FSIP2: variants seen among roughly 807,000 people sequenced by gnomAD.
The protein encoded by FSIP2 is fibrous sheath interacting protein 2, also known as fibrous sheath-interacting protein 2.
In FSIP2, 367 loss-of-function variants were observed where a neutral mutation model predicts 510.5. The ratio of observed to expected loss-of-function variants is 0.72; its 90% CI spans 0.66 to 0.78. The LOEUF (loss-of-function observed/expected upper bound fraction) is 0.78. Ranked by LOEUF, FSIP2 falls within the 30% of genes least tolerant of loss-of-function variation. FSIP2 has a pLI of 0.00. For synonymous variants in FSIP2, 2,601 were observed against 2,732.2 expected (o/e 0.95, Z 1.50); for missense variants, 7,594 against 7,901.7 (o/e 0.96, Z 1.48).
chr2:185,737,631 G>T (rs1691810835), upstream of FSIP2, among the ~76,000 whole-genome samples: 1 of 152,144 alleles, frequency 6.6e-6, no homozygotes, highest in African/African-American at 2.4e-5. Context: ...TTCTGGCTTG[G>T]GTAGACTTTG....
At position 185,808,841 on chromosome 2, in the gene FSIP2, T is replaced by A; in HGVS notation, c.19535T>A (p.Leu6512Ter). The A allele has an allele frequency of 6.8e-6, 11 of 1,612,558 alleles. No individual in the cohort carries two copies. Among genetic ancestry groups the A allele is most frequent in the Non-Finnish European group, 9.3e-6 (11 of 1,179,328 alleles). ...ELEQEKLDQNLSEEESPIKIV... is the reference protein window; with the variant it reads ...ELEQEKLDQN ...GAGCAAGAAAAGTTAGATCAAAATT[T>A]ATCTGAAGAGGAATCTCCAATTAAA... The change falls in exon 17 of 23, where the codon TTA (leucine) becomes TAA (stop). Residue 6512 changes from leucine to a stop codon, truncating the protein, a stop_gained. Coordinates refer to ENST00000424728, the MANE Select transcript of FSIP2 (RefSeq NM_173651.4). LOFTEE classifies it high-confidence loss of function.
Position 185,792,572 on chromosome 2 carries a change from C to T in FSIP2, c.5436C>T (p.His1812=). ...ACTCTAATTTTAATGGCATGCCTCACAATGTTGATGAGCCAACTCCCCAAA... is the reference window on the plus strand; with the variant it reads ...ACTCTAATTTTAATGGCATGCCTCATAATGTTGATGAGCCAACTCCCCAAA... The part of the protein sequence containing the change: ...LSHSNFNGMP[H]NVDEPTPQTS... The change falls in exon 16 of 23, where the codon CAC becomes CAT. Residue 1812 remains histidine (H), a synonymous_variant. Coordinates refer to ENST00000424728, the MANE Select transcript of FSIP2 (RefSeq NM_173651.4). 6.5e-7 allele frequency: 1 copy of T among 1,533,638 alleles called. No individual in the cohort carries two copies. Among genetic ancestry groups the T allele is most frequent in the Non-Finnish European group, 8.7e-7 (1 of 1,145,178 alleles).
chr2:185,794,786 G>A lies in FSIP2; in HGVS notation c.7650G>A (p.Met2550Ile). Residue 2550 changes from methionine (M) to isoleucine (I), a missense_variant, in exon 16 of 23, where the codon ATG becomes ATA. Coordinates refer to ENST00000424728, the MANE Select transcript of FSIP2 (RefSeq NM_173651.4). The part of the protein sequence containing the change: ...NDIVESVLGK[M>I]YLVVVTSLYE... Reference sequence around the variant, plus strand: ...TAGTTGAAAGTGTTTTGGGGAAAATGTACTTGGTAGTTGTGACATCATTAT... The same window carrying A: ...TAGTTGAAAGTGTTTTGGGGAAAATATACTTGGTAGTTGTGACATCATTAT... 6.5e-7 allele frequency: 1 copy of A among 1,534,038 alleles called. No individual in the cohort carries two copies. Among genetic ancestry groups the A allele is most frequent in the Non-Finnish European group, 8.7e-7 (1 of 1,145,516 alleles).
Position 185,791,276 on chromosome 2 carries a change from T to TC in FSIP2, c.4141dup (p.Arg1381ProfsTer2). On this transcript the variant is annotated frameshift_variant, in exon 16 of 23. Transcript: ENST00000424728. LOFTEE classifies it high-confidence loss of function. Reference sequence around the variant, plus strand: ...ATCAAAGAAGCATTTCACTCTCTTCTCGTAAGCCAAAGTCTGCAACTGACA... The same window carrying TC: ...ATCAAAGAAGCATTTCACTCTCTTCTCCGTAAGCCAAAGTCTGCAACTGACA... 2.6e-6 allele frequency: 4 copies of TC among 1,534,128 alleles called. No homozygotes were observed. Among genetic ancestry groups the TC allele is most frequent in the Admixed American group, 2.0e-5 (1 of 50,830 alleles).
intron 20 of FSIP2, among the ~76,000 whole-genome samples, chr2:185,826,980 A>G (rs931081823): frequency 7.9e-5 from 12 of 151,848 alleles, no homozygotes; most frequent in African/African-American, 2.9e-4. Context: ...CACCATAAAT[A>G]TCAGGAATTT....
chr2:185,806,545 AAAG>A lies in FSIP2; in HGVS notation c.17244_17246del (p.Glu5751del). On this transcript the variant is annotated inframe_deletion, in exon 17 of 23. Transcript: ENST00000424728. ...TAACAAAAATATCTCTGCCAAAGAA[AAAG>A]AAGAGGAAGAGAGAGAAAAAGAGAA... The A allele has an allele frequency of 6.2e-7, 1 of 1,600,498 alleles. No individual in the cohort carries two copies. Among genetic ancestry groups the A allele is most frequent in the South Asian group, 1.1e-5 (1 of 88,186 alleles).
chr2:185,793,709 T>C lies in FSIP2; in HGVS notation c.6573T>C (p.Asp2191=), dbSNP rs1237830381. 1 of 1,534,762 alleles carries C rather than the reference T, an allele frequency of 6.5e-7. No homozygotes were observed. The highest frequency in any genetic ancestry group is 2.0e-5 in the Admixed American group (1 of 50,860). ...TSARLPLTFC[D]TFPKIDCQQP... is the part of the protein sequence containing the mutation. ...CAAGATTGCCCCTGACATTTTGTGA[T>C]ACGTTTCCAAAAATAGACTGTCAAC... The change falls in exon 16 of 23, where the codon GAT becomes GAC. Residue 2191 remains aspartate, a synonymous_variant. Transcript: ENST00000424728.
chr2:185,790,035 G>T lies in FSIP2; in HGVS notation c.2899G>T (p.Asp967Tyr), dbSNP rs1409386299. 3.9e-6 allele frequency: 6 copies of T among 1,533,588 alleles called. No individual in the cohort carries two copies. The highest frequency in any genetic ancestry group is 1.7e-4 in the Middle Eastern group (1 of 5,964). The allele number at this position is 1,533,588 out of a possible 1,614,324, so 95.0% of individuals were successfully genotyped here. The part of the protein sequence containing the change: ...SRQPRISSPS[D>Y]TKEKYRLTGT... ...GCAACCTAGAATAAGTAGTCCTTCT[G>T]ACACCAAAGAAAAGTACAGACTCAC... is the stretch of plus-strand genomic sequence containing the variant. Residue 967 changes from aspartate to tyrosine, a missense_variant, in exon 16 of 23, where the codon GAC (aspartate) becomes TAC (tyrosine). By Grantham distance (160) the Asp-to-Tyr change is radical (BLOSUM62 -3). Transcript: ENST00000424728.
In FSIP2 at chr2:185,807,230, G is replaced by C; in HGVS notation, c.17924G>C (p.Cys5975Ser). The C allele has an allele frequency of 6.2e-7, 1 of 1,606,446 alleles. No homozygotes were observed. Among genetic ancestry groups the C allele is most frequent in the Non-Finnish European group, 8.5e-7 (1 of 1,177,684 alleles). Residue 5975 changes from cysteine to serine, a missense_variant, in exon 17 of 23, where the codon TGT (cysteine) becomes TCT (serine). Coordinates refer to ENST00000424728, the MANE Select transcript of FSIP2 (RefSeq NM_173651.4). Reference protein sequence around the residue: ...IFCDEVSVSACLPLESKDVVK... With the variant: ...IFCDEVSVSASLPLESKDVVK... ...TGTGATGAGGTTTCAGTTTCAGCAT[G>C]TTTGCCTCTGGAATCTAAGGATGTT... is the stretch of plus-strand genomic sequence containing the variant.
rs758970492 is a variant in FSIP2 at position 185,803,552 on chromosome 2, C to T, written c.14246C>T (p.Ala4749Val). The part of the protein sequence containing the change: ...FDFQIHPDLI[A>V]NLPFKSHSKL... ...TTCCAAATTCATCCAGATCTTATAG[C>T]AAATCTGCCTTTTAAATCACATTCC... The change falls in exon 17 of 23, where the codon GCA becomes GTA. Residue 4749 changes from alanine to valine, a missense_variant. Ala to Val is a moderately conservative substitution (Grantham distance 64). Coordinates refer to ENST00000424728, the MANE Select transcript of FSIP2 (RefSeq NM_173651.4). The T allele has an allele frequency of 6.5e-7, 1 of 1,532,884 alleles. No homozygotes were observed. Among genetic ancestry groups the T allele is most frequent in the African/African-American group, 1.4e-5 (1 of 72,948 alleles). 95.0% of individuals were successfully genotyped at this position (1,532,884 alleles called of 1,614,324 possible).
chr2:185,770,259 T>C (rs1013301504), intron 13 of FSIP2, among the ~76,000 whole-genome samples: 6 of 152,170 alleles, frequency 3.9e-5, no homozygotes, highest in African/African-American at 1.4e-4. Context: ...GAGCAGTGTT[T>C]TGTAATTCTC....
intron 10 of FSIP2, 74 bp downstream of exon 10, chr2:185,761,177 T>C (rs893497389): frequency 6.9e-6 from 4 of 579,318 alleles, no homozygotes; most frequent in Non-Finnish European, 1.2e-5. Flanking sequence ...CTATGAACTC[T>C]CTCCTTCAGC....
chr2:185,758,672 G>C (rs1286105139), intron 9 of FSIP2, among the ~76,000 whole-genome samples: 1 of 151,000 alleles, frequency 6.6e-6, no homozygotes, highest in Admixed American at 6.6e-5. Context: ...AACCCTAGTG[G>C]TCTTTGATAT....
At chr2:185,781,798 T>C (rs1692854479) in intron 13 of FSIP2, among the ~76,000 whole-genome samples, 1 of 152,038 alleles carries the variant, frequency 6.6e-6, no homozygotes, top group Non-Finnish European at 1.5e-5. Flanking sequence ...TTTTTTGTAT[T>C]AAAAATAGTG....
In FSIP2 at chr2:185,805,042, T is replaced by A. The variant is rs541052735; in HGVS notation, c.15736T>A (p.Ser5246Thr). The A allele has an allele frequency of 5.2e-4, 827 of 1,598,508 alleles. No homozygotes were observed. Among genetic ancestry groups the A allele is most frequent in the Non-Finnish European group, 6.7e-4 (785 of 1,175,770 alleles). ...GCCATTTTTACATGGTGAAGAATCA[T>A]CTTTCAGTGACTTATCTGATTATGA... ...LQPFLHGEES[S>T]FSDLSDYDHV... Residue 5246 changes from serine to threonine, a missense_variant, in exon 17 of 23, where the codon TCT becomes ACT. By Grantham distance (58) the Ser-to-Thr change is moderately conservative. Coordinates refer to ENST00000424728, the MANE Select transcript of FSIP2 (RefSeq NM_173651.4).
At chr2:185,783,482 G>A (rs1038698786) in intron 14 of FSIP2, among the ~76,000 whole-genome samples, 2 of 152,106 alleles carry the variant, frequency 1.3e-5, no homozygotes, top group African/African-American at 4.8e-5. Context: ...TTCCTATGAA[G>A]ATGATTGAGT....
At chr2:185,762,085 T>G (rs1692363748) in intron 11 of FSIP2, 68 bp downstream of exon 11, 1 of 729,724 alleles carries the variant, frequency 1.4e-6, no homozygotes, top group Non-Finnish European at 2.2e-6. Context: ...TATTATATAT[T>G]TTAAGTTGTT....
chr2:185,797,146 T>C lies in FSIP2; in HGVS notation c.10010T>C (p.Val3337Ala), dbSNP rs1443548551. ...CLAAENIVNT[V>A]LSSCGFPSQP... is the part of the protein sequence containing the mutation. Reference sequence around the variant, plus strand: ...GCTGCAGAAAATATTGTCAATACTGTGCTATCCAGCTGTGGCTTTCCAAGT... The same window carrying C: ...GCTGCAGAAAATATTGTCAATACTGCGCTATCCAGCTGTGGCTTTCCAAGT... The change falls in exon 16 of 23, where the codon GTG (valine) becomes GCG (alanine). Residue 3337 changes from valine to alanine, a missense_variant. Val to Ala is a moderately conservative substitution (Grantham distance 64, BLOSUM62 0). Transcript: ENST00000424728. 2.6e-6 allele frequency: 4 copies of C among 1,534,890 alleles called. No homozygotes were observed. In the African/African-American group the frequency reaches 5.5e-5, roughly 21 times the overall value.
At chr2:185,757,938 C>T (rs1248445177) in intron 9 of FSIP2, among the ~76,000 whole-genome samples, 1 of 151,052 alleles carries the variant, frequency 6.6e-6, no homozygotes, top group Non-Finnish European at 1.5e-5. Flanking sequence ...TGTTTATTTG[C>T]AGTCACACCC....
Sources: allele counts gnomAD v4.1 joint callset (sites outside exome capture counted in the v4.1 genomes callset), GRCh38; gene constraint gnomAD v4.1.1; transcripts MANE v1.5; gene names NCBI Gene and HGNC (gene_info 2026-07-23, HGNC 2026-07-21).